The following KCNQ5 variants were observed in gnomAD, a reference collection of about 807,000 sequenced individuals.
KCNQ5 encodes potassium voltage-gated channel subfamily Q member 5.
In KCNQ5, 30 loss-of-function variants were observed where a neutral mutation model predicts 98.2. The observed-to-expected ratio is 0.31, with a 90% CI of 0.23 to 0.41. The LOEUF (loss-of-function observed/expected upper bound fraction) is 0.41, where lower values mean the gene tolerates loss of function less well. Ranked by LOEUF, KCNQ5 falls within the 10% of genes least tolerant of loss-of-function variation. The probability of loss-of-function intolerance (pLI) is 1.00; values close to 1 mark genes in which losing one functional copy is unlikely to be tolerated. For missense variants in KCNQ5, 835 were observed against 1,182.5 expected (o/e 0.71, Z 4.31); for synonymous variants, 458 against 449.4 (o/e 1.02, Z -0.24).
At chr6:72,816,969 A>G (rs969506420) in intron 1 of KCNQ5, among the ~76,000 whole-genome samples, 1 of 152,232 alleles carries the variant, frequency 6.6e-6, no homozygotes, top group Non-Finnish European at 1.5e-5. Flanking sequence ...AGTCAGGTAC[A>G]ACTATTTCAC....
At chr6:72,866,563 T>C (rs1777996872) in intron 1 of KCNQ5, among the ~76,000 whole-genome samples, 1 of 152,138 alleles carries the variant, frequency 6.6e-6, no homozygotes, top group South Asian at 2.1e-4. Flanking sequence ...CCCAGCCATC[T>C]CCATCTTTAT....
intron 7 of KCNQ5, 43 bp from the exon 8 acceptor site, chr6:73,120,440 C>A: frequency 1.5e-6 from 2 of 1,333,962 alleles, no homozygotes; most frequent in Non-Finnish European, 2.1e-6. Context: ...CTAAATCCTG[C>A]TCTCTTTTTT....
At chr6:73,157,173 G>A (rs1481522123) in intron 10 of KCNQ5, among the ~76,000 whole-genome samples, 3 of 152,352 alleles carry the variant, frequency 2.0e-5, no homozygotes, top group South Asian at 2.1e-4. Context: ...TAAACGCCTC[G>A]TTTCCTCGAG....
intron 6 of KCNQ5, among the ~76,000 whole-genome samples, chr6:73,106,575 G>A (rs528112799): frequency 6.6e-6 from 1 of 152,092 alleles, no homozygotes; most frequent in Non-Finnish European, 1.5e-5. Context: ...TTCTTCCTGT[G>A]TCTTCACATC....
At chr6:72,977,216 A>T (rs1249144367) in intron 1 of KCNQ5, among the ~76,000 whole-genome samples, 2 of 152,158 alleles carry the variant, frequency 1.3e-5, no homozygotes, top group Non-Finnish European at 2.9e-5. Flanking sequence ...AGTAGTGAGG[A>T]TGTGGAAAGG....
chr6:72,990,580 AT>A (rs1289911058), intron 1 of KCNQ5, among the ~76,000 whole-genome samples: 1 of 118,400 alleles, frequency 8.4e-6, no homozygotes, highest in African/African-American at 3.4e-5. Flanking sequence ...GGTTTTCTAG[AT>A]AAACAATCAT....
intron 1 of KCNQ5, among the ~76,000 whole-genome samples, chr6:72,977,319 C>T (rs1389828564): frequency 6.6e-6 from 1 of 152,198 alleles, no homozygotes; most frequent in South Asian, 2.1e-4. Flanking sequence ...AAGTAGCACA[C>T]AAAAGCATCA....
At chr6:72,838,127 C>T (rs866862967) in intron 1 of KCNQ5, among the ~76,000 whole-genome samples, 2 of 122,304 alleles carry the variant, frequency 1.6e-5, no homozygotes, top group Non-Finnish European at 3.3e-5. Context: ...CAACAGGCCC[C>T]GACACCAGGT....
Position 73,198,810 on chromosome 6 carries a change from ATTAT to A in KCNQ5, c.*3399_*3402del, listed in dbSNP as rs1214654644. 1.3e-5 allele frequency: 2 copies of A among 152,162 alleles called. No individual in the cohort carries two copies. Among genetic ancestry groups the A allele is most frequent in the Non-Finnish European group, 2.9e-5 (2 of 68,024 alleles). The allele number at this position is 152,162 out of a possible 1,614,324, so 9.4% of individuals were successfully genotyped here. ...ATTTCCTTTGCTCTCTTTTACTGGG[ATTAT>A]TTGTTTTAAAGTAAAACATTAAAAA... On this transcript the variant is annotated 3_prime_UTR_variant, in exon 14 of 14. Transcript: ENST00000370398.
At chr6:72,815,914 T>G (rs1775490392) in intron 1 of KCNQ5, among the ~76,000 whole-genome samples, 2 of 152,146 alleles carry the variant, frequency 1.3e-5, no homozygotes, top group Admixed American at 1.3e-4. Flanking sequence ...GGCAGGACAT[T>G]CAACACCAAA....
rs1562230049 is a variant in KCNQ5, at chr6:73,195,058, C to T, written c.2443C>T (p.Leu815=). The T allele has an allele frequency of 6.2e-7, 1 of 1,614,188 alleles. No individual in the cohort carries two copies. The highest frequency in any genetic ancestry group is 8.5e-7 in the Non-Finnish European group (1 of 1,180,042). ...RKSFDMGGET[L]LSVCPMVPKD... ...AAGCTTTGACATGGGAGGAGAAACT[C>T]TGTTGTCTGTCTGTCCCATGGTGCC... The change falls in exon 14 of 14, where the codon CTG becomes TTG. Residue 815 remains leucine, a synonymous_variant. Coordinates refer to ENST00000370398, the MANE Select transcript of KCNQ5 (RefSeq NM_019842.4).
chr6:72,864,530 G>A (rs1393516125), intron 1 of KCNQ5, among the ~76,000 whole-genome samples: 1 of 151,988 alleles, frequency 6.6e-6, no homozygotes, highest in Admixed American at 6.6e-5. Context: ...CCTGGTTATT[G>A]GCAAAACACT....
At chr6:72,718,625 A>T (rs189908665) in intron 1 of KCNQ5, among the ~76,000 whole-genome samples, 1 of 151,166 alleles carries the variant, frequency 6.6e-6, no homozygotes, top group Non-Finnish European at 1.5e-5. Context: ...TAATTTTTAT[A>T]TTTTTAGTAG....
At chr6:73,006,999 C>A (rs1448903439) in intron 2 of KCNQ5, among the ~76,000 whole-genome samples, 1 of 152,092 alleles carries the variant, frequency 6.6e-6, no homozygotes, top group Admixed American at 6.5e-5. Flanking sequence ...AGGGCACCAG[C>A]GTGTTAGGTG....
chr6:72,851,639 T>C (rs1777261665), intron 1 of KCNQ5, among the ~76,000 whole-genome samples: 1 of 152,192 alleles, frequency 6.6e-6, no homozygotes, highest in African/African-American at 2.4e-5. Context: ...CAGTCTGTGA[T>C]ATATATTCAA....
intron 2 of KCNQ5, among the ~76,000 whole-genome samples, chr6:73,024,800 G>A (rs1339644482): frequency 1.3e-5 from 2 of 152,146 alleles, no homozygotes; most frequent in African/African-American, 4.8e-5. Context: ...AGCAAATAAC[G>A]ACATTCAAGT....
At chr6:72,658,578 A>ATATATTTTTTTT (rs1226386362) in intron 1 of KCNQ5, among the ~76,000 whole-genome samples, 1 of 76,380 alleles carries the variant, frequency 1.3e-5, no homozygotes, top group Non-Finnish European at 2.8e-5. Context: ...ATATATATAT[A>ATATATTTTTTTT]TTTTTTTTTT....
intron 1 of KCNQ5, among the ~76,000 whole-genome samples, chr6:72,963,937 A>G (rs1767490210): frequency 1.3e-5 from 2 of 152,162 alleles, no homozygotes; most frequent in Non-Finnish European, 2.9e-5. Flanking sequence ...TACAGGTAAG[A>G]GCCAACTCAC....
At chr6:72,984,479 C>T (rs919383098) in intron 1 of KCNQ5, among the ~76,000 whole-genome samples, 9 of 152,230 alleles carry the variant, frequency 5.9e-5, no homozygotes, top group African/African-American at 2.2e-4. Flanking sequence ...GCTGTGCTAG[C>T]AGTGAGCAAG....
Sources: allele counts gnomAD v4.1 joint callset (sites outside exome capture counted in the v4.1 genomes callset), GRCh38; gene constraint gnomAD v4.1.1; transcripts MANE v1.5; gene names NCBI Gene and HGNC (gene_info 2026-07-23, HGNC 2026-07-21).